The following CAMK2B variants were observed in gnomAD, a reference collection of about 807,000 sequenced individuals.
The protein encoded by CAMK2B is calcium/calmodulin dependent protein kinase II beta.
A neutral mutation model predicts 93.7 loss-of-function variants in CAMK2B; 27 were observed. The ratio of observed to expected loss-of-function variants is 0.29; its 90% CI spans 0.21 to 0.40. The LOEUF is 0.40. Among genes scored for constraint, CAMK2B ranks in the 10% least tolerant of loss-of-function variants. The pLI, the probability that CAMK2B is intolerant of heterozygous loss-of-function variation, is 1.00. For synonymous variants in CAMK2B, 374 were observed against 358.8 expected (o/e 1.04, Z -0.48); for missense variants, 568 against 895.8 (o/e 0.63, Z 4.67).
At chr7:44,324,540 C>CG (rs1563138701) in intron 1 of CAMK2B, among the ~76,000 whole-genome samples, 2 of 152,212 alleles carry the variant, frequency 1.3e-5, no homozygotes, top group Non-Finnish European at 2.9e-5. Flanking sequence ...AAGGAGAGAA[C>CG]GGGAGCCACA....
At chr7:44,238,700 T>C (rs914919445) in intron 13 of CAMK2B, among the ~76,000 whole-genome samples, 8 of 152,204 alleles carry the variant, frequency 5.3e-5, no homozygotes, top group African/African-American at 1.7e-4. Flanking sequence ...CCAGCCCACG[T>C]TGGAGGCACC....
At chr7:44,283,267 T>C (rs1265810552) in intron 2 of CAMK2B, among the ~76,000 whole-genome samples, 2 of 152,202 alleles carry the variant, frequency 1.3e-5, no homozygotes, top group Admixed American at 6.5e-5. Context: ...TTGGGTTTTG[T>C]TTGTCCTCGA....
At chr7:44,290,928 T>C (rs1786614593) in intron 1 of CAMK2B, among the ~76,000 whole-genome samples, 2 of 152,218 alleles carry the variant, frequency 1.3e-5, no homozygotes, top group Admixed American at 6.5e-5. Context: ...GTCTACAGAA[T>C]GCGTTGACGT....
intron 6 of CAMK2B, among the ~76,000 whole-genome samples, chr7:44,245,677 G>C (rs2096722963): frequency 6.6e-6 from 1 of 152,180 alleles, no homozygotes; most frequent in African/African-American, 2.4e-5. Context: ...ACATGCTTGG[G>C]ATGCAGAGAT....
At chr7:44,223,410 A>G (rs189299717) in intron 20 of CAMK2B, among the ~76,000 whole-genome samples, 40 of 152,254 alleles carry the variant, frequency 2.6e-4, no homozygotes, top group African/African-American at 8.9e-4. Flanking sequence ...CTAGGAAGGT[A>G]GGCTGCAGGA....
intron 13 of CAMK2B, among the ~76,000 whole-genome samples, chr7:44,238,344 G>A (rs13437906): frequency 0.2 from 30,651 of 152,150 alleles, 3,928 homozygotes; most frequent in Non-Finnish European, 0.28. Context: ...CGGGAGCCCC[G>A]GGCACAGGGC....
chr7:44,256,860 GTT>G (rs1479819173), intron 4 of CAMK2B, among the ~76,000 whole-genome samples: 1 of 152,230 alleles, frequency 6.6e-6, no homozygotes, highest in Admixed American at 6.5e-5. Context: ...TAGTGGTTCA[GTT>G]TCAGGGAAGG....
chr7:44,263,071 G>A lies in CAMK2B; in HGVS notation c.161-7C>T, dbSNP rs1406645533. The A allele has an allele frequency of 3.8e-5, 61 of 1,613,152 alleles. No individual in the cohort carries two copies. Among genetic ancestry groups the A allele is most frequent in the Non-Finnish European group, 5.1e-5 (60 of 1,179,548 alleles). On this transcript the variant is annotated splice_polypyrimidine_tract_variant and splice_region_variant and intron_variant, in intron 2 of 23. Coordinates refer to ENST00000395749, the MANE Select transcript of CAMK2B (RefSeq NM_001220.5). ...CTCTCCAGCTTCTGGTGATCTGGGG[G>A]ACAGGAAAAACAAGGCGTCACCTCC...
At chr7:44,256,978 C>T (rs939012537) in intron 4 of CAMK2B, among the ~76,000 whole-genome samples, 13 of 152,186 alleles carry the variant, frequency 8.5e-5, no homozygotes, top group African/African-American at 3.1e-4. Flanking sequence ...CTCCATGGCC[C>T]CCTTTCCTTA....
At chr7:44,318,145 G>A (rs959497575) in intron 1 of CAMK2B, among the ~76,000 whole-genome samples, 4 of 152,138 alleles carry the variant, frequency 2.6e-5, no homozygotes, top group African/African-American at 7.2e-5. Flanking sequence ...ACTCACAGAC[G>A]CTGAGAATCA....
At chr7:44,253,410 T>G (rs960882112) in intron 5 of CAMK2B, among the ~76,000 whole-genome samples, 3 of 152,088 alleles carry the variant, frequency 2.0e-5, no homozygotes, top group African/African-American at 4.8e-5. Context: ...ACGGGGTTTC[T>G]CCATGTTGGT....
At chr7:44,243,033 G>A (rs534331607) in intron 8 of CAMK2B, among the ~76,000 whole-genome samples, 9 of 152,356 alleles carry the variant, frequency 5.9e-5, no homozygotes, top group African/African-American at 2.2e-4. Flanking sequence ...GGCGAGCACT[G>A]GGGTGCGCCA....
chr7:44,285,736 T>C (rs1328718807), intron 1 of CAMK2B, among the ~76,000 whole-genome samples: 1 of 150,894 alleles, frequency 6.6e-6, no homozygotes, highest in Non-Finnish European at 1.5e-5. Context: ...TCTTCGCTTT[T>C]TAAAGTCAAC....
chr7:44,312,561 AG>A lies in CAMK2B; in HGVS notation c.65+12795del, dbSNP rs1426859363. On this transcript the variant is annotated intron_variant, in intron 1 of 23. Transcript: ENST00000395749. This position sits in a 1 kb window ranked among gnomAD's most constrained non-coding sequence, Gnocchi z 4.1. ...CCGGGAGGGGCTGCCCCATAAAGTGAGGGGGGTGCCCAGTGGCCATCGTCAC... is the reference window on the plus strand; with the variant it reads ...CCGGGAGGGGCTGCCCCATAAAGTGAGGGGGTGCCCAGTGGCCATCGTCAC... 6.6e-6 allele frequency among the ~76,000 whole-genome samples: 1 copy of A among 152,086 alleles called. No individual in the cohort carries two copies. Among genetic ancestry groups the A allele is most frequent in the African/African-American group, 2.4e-5 (1 of 41,416 alleles).
intron 2 of CAMK2B, among the ~76,000 whole-genome samples, chr7:44,263,291 G>C (rs931467295): frequency 1.3e-5 from 2 of 152,230 alleles, no homozygotes; most frequent in Non-Finnish European, 2.9e-5. Context: ...AGGCCCATTC[G>C]GGTAGTGAGC....
intron 1 of CAMK2B, among the ~76,000 whole-genome samples, chr7:44,320,536 G>A (rs570189216): frequency 6.2e-4 from 95 of 152,262 alleles, no homozygotes; most frequent in Non-Finnish European, 1.0e-3. Context: ...GATCTAGCGC[G>A]TTAATATAAT....
intron 5 of CAMK2B, among the ~76,000 whole-genome samples, chr7:44,249,938 G>A (rs973323135): frequency 1.3e-5 from 2 of 152,138 alleles, no homozygotes; most frequent in East Asian, 1.9e-4. Context: ...TGCCAGAGAC[G>A]GGGACTATGG....
intron 1 of CAMK2B, among the ~76,000 whole-genome samples, chr7:44,290,704 G>A (rs907738562): frequency 4.6e-5 from 7 of 152,240 alleles, no homozygotes; most frequent in Admixed American, 1.3e-4. Context: ...GAGTGCCAGA[G>A]GGGGAGGTCT....
At chr7:44,276,873 T>G (rs938766003) in intron 2 of CAMK2B, among the ~76,000 whole-genome samples, 2 of 152,198 alleles carry the variant, frequency 1.3e-5, no homozygotes. Flanking sequence ...TCTCAGCTTC[T>G]TCGGGACTCA....
Sources: gnomAD v4.1 joint callset for allele counts (sites outside exome capture counted in the v4.1 genomes callset) on GRCh38, gnomAD v4.1.1 for gene constraint, Gnocchi (gnomAD v3.1) non-coding constraint, MANE v1.5 for transcripts, NCBI Gene and HGNC (gene_info 2026-07-23, HGNC 2026-07-21) for gene names.